DNHD1: variants seen among roughly 807,000 people sequenced by gnomAD.
DNHD1 encodes dynein heavy chain domain 1.
In DNHD1, 383 loss-of-function variants were observed where a neutral mutation model predicts 458.1. The observed-to-expected ratio is 0.84, with a 90% confidence interval of 0.77 to 0.91. The LOEUF is 0.91. Ranked by LOEUF, DNHD1 falls within the 40% of genes least tolerant of loss-of-function variation. The pLI is 0.00. For synonymous variants in DNHD1, 2,203 were observed against 2,376.9 expected, an observed-to-expected ratio of 0.93 and a Z score of 2.13; for missense variants, 5,336 against 5,866.1, an observed-to-expected ratio of 0.91 and a Z score of 2.95.
chr11:6,571,454 C>G lies in DNHD1; in HGVS notation c.13911+31C>G, dbSNP rs746769626. ...TTCGCGCCGCCCCTCGTTCGCGGTT[C>G]CAGTCCCCTCGAAGTCTCTAATTAC... On this transcript the variant is annotated intron_variant, in intron 42 of 42. Transcript: ENST00000254579. The surrounding 1 kb of genome is among the most constrained non-coding windows in gnomAD (Gnocchi z 5.0). 3.1e-5 allele frequency: 48 copies of G among 1,533,928 alleles called. 1 individual carries two copies. The highest frequency in any genetic ancestry group is 3.3e-5 in the Non-Finnish European group (37 of 1,136,074).
At chr11:6,504,573 T>A (rs1852193857) in intron 4 of DNHD1, among the ~76,000 whole-genome samples, 1 of 152,150 alleles carries the variant, frequency 6.6e-6, no homozygotes, top group African/African-American at 2.4e-5. Flanking sequence ...CCTCAGCCTC[T>A]GAAGTAGCTG....
intron 12 of DNHD1, among the ~76,000 whole-genome samples, chr11:6,532,488 G>A (rs1050876288): frequency 2.6e-4 from 39 of 152,330 alleles, no homozygotes; most frequent in African/African-American, 8.7e-4. Context: ...TTCTTCTAGA[G>A]CAAGGGCAGT....
intron 10 of DNHD1, among the ~76,000 whole-genome samples, chr11:6,523,683 T>C (rs1217661413): frequency 1.3e-5 from 2 of 152,222 alleles, no homozygotes; most frequent in African/African-American, 4.8e-5. Flanking sequence ...TTTGATTTAG[T>C]TGATTTCAAA....
At chr11:6,539,797 T>G (rs1391345378) in intron 17 of DNHD1, 79 bp from the exon 18 acceptor site, 1 of 1,361,964 alleles carries the variant, frequency 7.3e-7, no homozygotes, top group East Asian at 2.5e-5. Flanking sequence ...CTGCCTCAGA[T>G]CCAATCCCCA....
chr11:6,570,435 A>G (rs1422773791), intron 41 of DNHD1, 39 bp downstream of exon 41: 2 of 1,563,718 alleles, frequency 1.3e-6, no homozygotes, highest in Admixed American at 3.7e-5. Flanking sequence ...GGTAGGGAAT[A>G]GTGCAATGCA....
intron 14 of DNHD1, 83 bp from the exon 15 acceptor site, chr11:6,538,300 T>G (rs1853008150): frequency 9.3e-6 from 12 of 1,297,020 alleles, no homozygotes; most frequent in Non-Finnish European, 1.2e-5. Context: ...CCTTCTGTCA[T>G]TATGGGCTCT....
At chr11:6,509,326 A>C in intron 6 of DNHD1, 54 bp downstream of exon 6, 1 of 1,456,692 alleles carries the variant, frequency 6.9e-7, no homozygotes, top group Non-Finnish European at 9.4e-7. Context: ...GTTTTACTAA[A>C]GGTAATAGTA....
At chr11:6,570,462 A>G in intron 41 of DNHD1, 66 bp downstream of exon 41, 1 of 1,519,250 alleles carries the variant, frequency 6.6e-7, no homozygotes, top group Non-Finnish European at 8.8e-7. Context: ...CCCCCCACAG[A>G]AATGTGGACA....
intron 12 of DNHD1, 60 bp downstream of exon 12, chr11:6,529,181 C>G: frequency 2.0e-6 from 3 of 1,531,250 alleles, no homozygotes; most frequent in Non-Finnish European, 2.6e-6. Flanking sequence ...TTCACATGGC[C>G]TGCCTTGGTC....
intron 21 of DNHD1, 29 bp from the exon 22 acceptor site, chr11:6,547,834 T>A: frequency 6.5e-7 from 1 of 1,549,954 alleles, no homozygotes; most frequent in Non-Finnish European, 8.7e-7. Flanking sequence ...CTACTGGGGC[T>A]CCTCTCGTGG....
Position 6,497,944 on chromosome 11 carries a change from G to A in DNHD1, c.-272G>A. On this transcript the variant is annotated 5_prime_UTR_variant, in exon 3 of 43. Coordinates refer to ENST00000254579, the MANE Select transcript of DNHD1 (RefSeq NM_144666.3). ...GCTCCTTACCAGAGTCTTTGGGGAAGCAGTAGGGAGGGCCTGAGGGTCTCA... is the reference window on the plus strand; with the variant it reads ...GCTCCTTACCAGAGTCTTTGGGGAAACAGTAGGGAGGGCCTGAGGGTCTCA... 2.0e-6 allele frequency: 1 copy of A among 502,770 alleles called. No homozygotes were observed. The highest frequency in any genetic ancestry group is 3.6e-6 in the Non-Finnish European group (1 of 277,928). 31.1% of individuals were successfully genotyped at this position (502,770 alleles called of 1,614,324 possible).
intron 4 of DNHD1, 60 bp from the exon 5 acceptor site, chr11:6,508,820 G>T (rs1852276406): frequency 1.3e-6 from 2 of 1,542,936 alleles, no homozygotes; most frequent in Non-Finnish European, 8.9e-7. Context: ...TCCTCCTTTG[G>T]TCTCTTAAAG....
intron 10 of DNHD1, 113 bp from the exon 11 acceptor site, chr11:6,528,408 TG>T: frequency 1.5e-6 from 1 of 682,332 alleles, no homozygotes; most frequent in Admixed American, 4.3e-5. Flanking sequence ...CGAATGGGTG[TG>T]TGTGTGTGTG....
intron 7 of DNHD1, among the ~76,000 whole-genome samples, chr11:6,514,331 T>C (rs1367591013): frequency 5.3e-5 from 8 of 152,336 alleles, no homozygotes; most frequent in South Asian, 4.1e-4. Context: ...CTTGAACTCC[T>C]GATCTCAAGT....
intron 7 of DNHD1, among the ~76,000 whole-genome samples, chr11:6,514,660 C>T (rs1852420071): frequency 6.6e-6 from 1 of 151,810 alleles, no homozygotes; most frequent in South Asian, 2.1e-4. Flanking sequence ...CTCTCACATA[C>T]CCTTTATATA....
chr11:6,563,937 A>G lies in DNHD1; in HGVS notation c.10097A>G (p.Tyr3366Cys). Residue 3366 changes from tyrosine (Y) to cysteine (C), a missense_variant, in exon 31 of 43, where the codon TAC becomes TGC. By Grantham distance (194) the Tyr-to-Cys change is radical. Transcript: ENST00000254579. ...ACTCGGGAGCAGGCCCGCCTGGGCT[A>G]CTACCAGTTTCAGGCCCAGGAGACC... ...TLTREQARLG[Y>C]YQFQAQETLE... 6.4e-7 allele frequency: 1 copy of G among 1,551,696 alleles called. No homozygotes were observed. Among genetic ancestry groups the G allele is most frequent in the Non-Finnish European group, 8.7e-7 (1 of 1,146,996 alleles).
At chr11:6,563,323 T>C in intron 29 of DNHD1, 59 bp from the exon 30 acceptor site, 1 of 1,538,126 alleles carries the variant, frequency 6.5e-7, no homozygotes, top group Non-Finnish European at 8.8e-7. Context: ...TAAAAACACC[T>C]TGAAGGAAGA....
At chr11:6,555,809 G>T (rs1364950420) in intron 24 of DNHD1, among the ~76,000 whole-genome samples, 1 of 152,184 alleles carries the variant, frequency 6.6e-6, no homozygotes, top group Non-Finnish European at 1.5e-5. Context: ...CAGAGGGATT[G>T]ATTGGCTTTA....
In DNHD1 at chr11:6,534,110, C is replaced by T. The variant is rs566226547; in HGVS notation, c.2935C>T (p.Arg979Cys). 3.1e-5 allele frequency: 48 copies of T among 1,551,462 alleles called. No individual in the cohort carries two copies. The highest frequency in any genetic ancestry group is 4.9e-5 in the East Asian group (2 of 40,900). ...STEHQLVSLE[R>C]QFQNTVSDLS... ...TGAGCACCAGCTCGTCTCCCTAGAG[C>T]GTCAGTTCCAGAACACAGTCAGCGA... Residue 979 changes from arginine (R) to cysteine (C), a missense_variant, in exon 14 of 43, where the codon CGT becomes TGT. Coordinates refer to ENST00000254579, the MANE Select transcript of DNHD1 (RefSeq NM_144666.3).
Sources: gnomAD v4.1 joint callset for allele counts (sites outside exome capture counted in the v4.1 genomes callset) on GRCh38, gnomAD v4.1.1 for gene constraint, Gnocchi (gnomAD v3.1) non-coding constraint, MANE v1.5 for transcripts, NCBI Gene and HGNC (gene_info 2026-07-23, HGNC 2026-07-21) for gene names.